The following THSD7B variants were observed in gnomAD, a reference collection of about 807,000 sequenced individuals.
The protein encoded by THSD7B is thrombospondin type-1 domain-containing protein 7B.
Under a neutral mutation model 213.6 loss-of-function variants are expected in THSD7B, and 138 were observed. The observed-to-expected ratio is 0.65, with a 90% CI of 0.56 to 0.74. The LOEUF is 0.74. Among genes scored for constraint, THSD7B ranks in the 30% least tolerant of loss-of-function variants. The pLI is 0.00. For missense variants in THSD7B, 1,931 were observed against 1,991.5 expected (o/e 0.97, Z 0.58); for synonymous variants, 742 against 687.0 (o/e 1.08, Z -1.25).
intron 17 of THSD7B, among the ~76,000 whole-genome samples, chr2:137,587,698 C>T (rs564555436): frequency 3.7e-4 from 57 of 152,296 alleles, no homozygotes; most frequent in Non-Finnish European, 7.1e-4. Context: ...CTTCTGGAAC[C>T]TTTGTCTCAG....
intron 2 of THSD7B, among the ~76,000 whole-genome samples, chr2:136,981,000 T>C (rs1685566735): frequency 1.3e-5 from 2 of 152,042 alleles, no homozygotes; most frequent in Admixed American, 1.3e-4. Context: ...AGATGCAGGA[T>C]TCACTCGCTG....
intron 5 of THSD7B, among the ~76,000 whole-genome samples, chr2:137,137,412 T>C (rs553251444): frequency 5.8e-4 from 89 of 152,216 alleles, no homozygotes; most frequent in Non-Finnish European, 1.1e-3. Flanking sequence ...CATAACCATG[T>C]TTCGGTCAAT....
chr2:137,160,041 A>T (rs139134226), intron 5 of THSD7B, among the ~76,000 whole-genome samples, 172 bp from the exon 6 acceptor site: 2,890 of 152,290 alleles, frequency 0.019, 38 homozygotes, highest in Admixed American at 0.026. Context: ...CAACCAAAAT[A>T]CTAGTCATGT....
Position 137,238,270 on chromosome 2 carries a change from C to A in THSD7B, c.2151-4187C>A, listed in dbSNP as rs374521181. ...TGAATGTTCGAGTGTTGGGTGGGTCCGTATGGGAACCCTTGTGACTCCTGG... is the reference window on the plus strand; with the variant it reads ...TGAATGTTCGAGTGTTGGGTGGGTCAGTATGGGAACCCTTGTGACTCCTGG... On this transcript the variant is annotated intron_variant, in intron 9 of 27. Transcript: ENST00000409968. Among the ~76,000 whole-genome samples, 53 of 152,162 alleles carry A rather than the reference C, an allele frequency of 3.5e-4. 2 individuals carry two copies. In the South Asian group the frequency reaches 0.011, roughly 31 times the overall value.
chr2:137,645,448 C>T (rs1388525692), intron 21 of THSD7B, among the ~76,000 whole-genome samples: 1 of 152,142 alleles, frequency 6.6e-6, no homozygotes, highest in Non-Finnish European at 1.5e-5. Context: ...AATCTCTTGA[C>T]TGTGGATGAG....
chr2:137,456,656 T>G (rs1411177593), intron 15 of THSD7B, among the ~76,000 whole-genome samples: 1 of 152,166 alleles, frequency 6.6e-6, no homozygotes, highest in African/African-American at 2.4e-5. Context: ...CGATCCATGA[T>G]TGAGCACATT....
intron 12 of THSD7B, among the ~76,000 whole-genome samples, chr2:137,282,886 G>A (rs1461135403): frequency 2.6e-5 from 4 of 152,076 alleles, no homozygotes; most frequent in African/African-American, 9.7e-5. Flanking sequence ...TTGGCAATGT[G>A]GGCTCTTTTT....
At chr2:137,494,434 A>AG (rs769557033) in intron 15 of THSD7B, among the ~76,000 whole-genome samples, 10 of 152,110 alleles carry the variant, frequency 6.6e-5, no homozygotes, top group Non-Finnish European at 1.0e-4. Flanking sequence ...AGTCAAGGAC[A>AG]GAAAAAAAGA....
intron 15 of THSD7B, among the ~76,000 whole-genome samples, chr2:137,486,257 C>T (rs1272895491): frequency 3.3e-5 from 5 of 151,760 alleles, no homozygotes; most frequent in East Asian, 1.9e-4. Flanking sequence ...ACCCATCTCA[C>T]GTGCAGAGAC....
At chr2:136,981,299 A>G (rs1208748825) in intron 2 of THSD7B, among the ~76,000 whole-genome samples, 4 of 152,162 alleles carry the variant, frequency 2.6e-5, no homozygotes, top group African/African-American at 4.8e-5. Flanking sequence ...TCCACCCAGT[A>G]CAGTGTGCTG....
intron 5 of THSD7B, among the ~76,000 whole-genome samples, chr2:137,153,098 T>G (rs892273056): frequency 6.6e-6 from 1 of 152,184 alleles, no homozygotes; most frequent in African/African-American, 2.4e-5. Context: ...AGAGAACATA[T>G]GATAATAGAA....
intron 9 of THSD7B, among the ~76,000 whole-genome samples, chr2:137,239,423 T>G (rs2105062475): frequency 6.6e-6 from 1 of 152,272 alleles, no homozygotes; most frequent in South Asian, 2.1e-4. Flanking sequence ...TTCACCCACT[T>G]CCGTCCTCCT....
At chr2:137,534,782 C>T (rs1680470813) in intron 15 of THSD7B, among the ~76,000 whole-genome samples, 1 of 151,674 alleles carries the variant, frequency 6.6e-6, no homozygotes, top group Non-Finnish European at 1.5e-5. Flanking sequence ...TTCTTATAAT[C>T]ACATTAGATA....
At chr2:137,493,089 C>G (rs1290038478) in intron 15 of THSD7B, among the ~76,000 whole-genome samples, 2 of 128,248 alleles carry the variant, frequency 1.6e-5, no homozygotes, top group Non-Finnish European at 3.1e-5. Flanking sequence ...CCATTGCACT[C>G]CAGCCTGGGC....
At chr2:137,117,191 A>G (rs1277321613) in intron 5 of THSD7B, among the ~76,000 whole-genome samples, 1 of 152,026 alleles carries the variant, frequency 6.6e-6, no homozygotes, top group Admixed American at 6.5e-5. Flanking sequence ...GTGGAAGTGA[A>G]CCAGCGGGGT....
chr2:137,280,849 C>T (rs16838540), intron 12 of THSD7B, among the ~76,000 whole-genome samples: 5,065 of 152,182 alleles, frequency 0.033, 94 homozygotes, highest in East Asian at 0.053. Context: ...GAGATGCTGT[C>T]GTTTCTGTAA....
At chr2:137,459,814 A>C (rs1318351958) in intron 15 of THSD7B, among the ~76,000 whole-genome samples, 1 of 152,146 alleles carries the variant, frequency 6.6e-6, no homozygotes, top group Non-Finnish European at 1.5e-5. Flanking sequence ...TGTTACAAAA[A>C]CAGCTTTCCA....
At chr2:137,340,981 GTTTTTTTT>G (rs70978213) in intron 12 of THSD7B, among the ~76,000 whole-genome samples, 5 of 98,664 alleles carry the variant, frequency 5.1e-5, no homozygotes, top group Non-Finnish European at 1.1e-4. Flanking sequence ...TTCTCTTTTT[GTTTTTTTT>G]TTTTTTTTTT....
At chr2:137,544,209 C>T (rs1006744376) in intron 15 of THSD7B, among the ~76,000 whole-genome samples, 3 of 151,544 alleles carry the variant, frequency 2.0e-5, no homozygotes, top group African/African-American at 7.3e-5. Flanking sequence ...CCAAAATGTC[C>T]ATCAAATAAA....
Sources: gnomAD v4.1 joint callset for allele counts (sites outside exome capture counted in the v4.1 genomes callset) on GRCh38, gnomAD v4.1.1 for gene constraint, MANE v1.5 for transcripts, NCBI Gene and HGNC (gene_info 2026-07-23, HGNC 2026-07-21) for gene names.